Variants in SRSF10 observed in about 807,000 individuals in gnomAD.
The protein encoded by SRSF10 is serine/arginine-rich splicing factor 10.
Under a neutral mutation model 32.6 loss-of-function variants are expected in SRSF10, and 9 were observed. The ratio of observed to expected loss-of-function variants is 0.28; its 90% confidence interval spans 0.17 to 0.48. The LOEUF is 0.48. Among genes scored for constraint, SRSF10 ranks in the 20% least tolerant of loss-of-function variants. The pLI, the probability that SRSF10 is intolerant of heterozygous loss-of-function variation, is 0.99. For missense variants in SRSF10, 201 were observed against 331.8 expected, an observed-to-expected ratio of 0.61 and a Z score of 3.06; for synonymous variants, 105 against 112.4, an observed-to-expected ratio of 0.93 and a Z score of 0.42.
Position 23,969,697 on chromosome 1 carries a change from C to T in SRSF10, c.*1445G>A, listed in dbSNP as rs1376097282. On this transcript the variant is annotated 3_prime_UTR_variant, in exon 6 of 6. Transcript: ENST00000492112. Reference sequence around the variant, plus strand: ...TGTCAAGTCACTTTTGTCCCCAAAACGATCTTTCAGAGAAATACTAGAAAT... The same window carrying T: ...TGTCAAGTCACTTTTGTCCCCAAAATGATCTTTCAGAGAAATACTAGAAAT... The T allele has an allele frequency of 3.0e-6, 3 of 985,150 alleles. No individual in the cohort carries two copies. Among genetic ancestry groups the T allele is most frequent in the Admixed American group, 6.2e-5 (1 of 16,256 alleles). The allele number at this position is 985,150 out of a possible 1,614,324, so 61.0% of individuals were successfully genotyped here. A position where few individuals can be genotyped will look rare whatever the true frequency, so the allele number is the denominator to read the frequency against.
chr1:23,969,602 T>C lies in SRSF10; in HGVS notation c.*1540A>G. 3.0e-6 allele frequency: 3 copies of C among 985,266 alleles called. No individual in the cohort carries two copies. The highest frequency in any genetic ancestry group is 3.6e-6 in the Non-Finnish European group (3 of 829,746). 61.0% of individuals were successfully genotyped at this position (985,266 alleles called of 1,614,324 possible). A position where few individuals can be genotyped will look rare whatever the true frequency, so the allele number is the denominator to read the frequency against. On this transcript the variant is annotated 3_prime_UTR_variant, in exon 6 of 6. Transcript: ENST00000492112. ...GGAATCGTTTGTCCATAATTCGTAC[T>C]TGTATCTGTAAGCAAGCAATCTGAG...
In SRSF10 at chr1:23,969,480, C is replaced by T. The variant is rs1254713248; in HGVS notation, c.*1662G>A. 1 of 985,306 alleles carries T rather than the reference C, an allele frequency of 1.0e-6. No homozygotes were observed. The highest frequency in any genetic ancestry group is 1.2e-6 in the Non-Finnish European group (1 of 829,862). The allele number at this position is 985,306 out of a possible 1,614,324, so 61.0% of individuals were successfully genotyped here. ...AAGGTTCTAGAATCAATCCTTTAAACACATTCCACAAACAGTATTTAAAAT... is the reference window on the plus strand; with the variant it reads ...AAGGTTCTAGAATCAATCCTTTAAATACATTCCACAAACAGTATTTAAAAT... On this transcript the variant is annotated 3_prime_UTR_variant, in exon 6 of 6. Transcript: ENST00000492112.
chr1:23,969,539 T>C lies in SRSF10; in HGVS notation c.*1603A>G. 1 of 985,332 alleles carries C rather than the reference T, an allele frequency of 1.0e-6. No homozygotes were observed. 61.0% of individuals were successfully genotyped at this position (985,332 alleles called of 1,614,324 possible). On this transcript the variant is annotated 3_prime_UTR_variant, in exon 6 of 6. Coordinates refer to ENST00000492112, the MANE Select transcript of SRSF10 (RefSeq NM_054016.4). Reference sequence around the variant, plus strand: ...GTATTCTTTACAGGCAAAGCCTAGATTACTAAAACCGAAATTGAAAAAAGT... The same window carrying C: ...GTATTCTTTACAGGCAAAGCCTAGACTACTAAAACCGAAATTGAAAAAAGT...
chr1:23,971,496 A>G (rs1317448314), intron 5 of SRSF10, 57 bp from the exon 6 acceptor site: 2 of 1,588,320 alleles, frequency 1.3e-6, no homozygotes, highest in Non-Finnish European at 1.7e-6. Context: ...ATATTAATCA[A>G]ATTTGTTATT....
At position 23,968,717 on chromosome 1, in the gene SRSF10, C is replaced by T. The variant is rs112657811; in HGVS notation, c.*2425G>A. On this transcript the variant is annotated 3_prime_UTR_variant, in exon 6 of 6. Coordinates refer to ENST00000492112, the MANE Select transcript of SRSF10 (RefSeq NM_054016.4). ...AAATGATTTAAAATCATGTCATAAACGTTAAGCCCTAATGCGTCTTGTTTA... is the reference window on the plus strand; with the variant it reads ...AAATGATTTAAAATCATGTCATAAATGTTAAGCCCTAATGCGTCTTGTTTA... Among the ~76,000 whole-genome samples, 18 of 152,196 alleles carry T rather than the reference C, an allele frequency of 1.2e-4. No individual in the cohort carries two copies. The highest frequency in any genetic ancestry group is 4.1e-4 in the African/African-American group (17 of 41,508).
intron 2 of SRSF10, chr1:23,976,144 A>G (rs1642075394): frequency 6.6e-6 from 1 of 152,244 alleles, no homozygotes. Context: ...TTCTATCCCA[A>G]AAATCCCCAT....
At position 23,975,062 on chromosome 1, in the gene SRSF10, A is replaced by G. The variant is rs780551532; in HGVS notation, c.186T>C (p.Arg62=). The G allele has an allele frequency of 3.5e-3, 5,685 of 1,613,960 alleles. 170 individuals are homozygous for G. In the African/African-American group the frequency reaches 0.065, roughly 18 times the overall value. The change falls in exon 3 of 6, where the codon CGT becomes CGC. Residue 62 remains arginine (R), a synonymous_variant. Coordinates refer to ENST00000492112, the MANE Select transcript of SRSF10 (RefSeq NM_054016.4). The part of the protein sequence containing the change: ...GFAYVQFEDV[R]DAEDALHNLD... ...AATTATGTAAAGCGTCTTCAGCATC[A>G]CGAACATCCTCAAATGTGCTAAATG...
At chr1:23,973,212 T>G (rs1236658120) in intron 3 of SRSF10, among the ~76,000 whole-genome samples, 1 of 152,220 alleles carries the variant, frequency 6.6e-6, no homozygotes, top group Admixed American at 6.5e-5. Flanking sequence ...AAAATAATAC[T>G]AATATCCCCA....
At position 23,970,349 on chromosome 1, in the gene SRSF10, G is replaced by A. The variant is rs1641671156; in HGVS notation, c.*793C>T. 2.1e-6 allele frequency: 2 copies of A among 966,096 alleles called. No individual in the cohort carries two copies. The highest frequency in any genetic ancestry group is 9.7e-5 in the South Asian group (2 of 20,692). The allele number at this position is 966,096 out of a possible 1,614,324, so 59.8% of individuals were successfully genotyped here. On this transcript the variant is annotated 3_prime_UTR_variant, in exon 6 of 6. Transcript: ENST00000492112. ...CACTGCATCAAAAATAATTATCATT[G>A]GCCTAGACATCCGGTTTTTTTTTTT...
rs1364829218 is a variant in SRSF10, at chr1:23,964,836, C to T, written c.*6306G>A. 6.6e-6 allele frequency: 1 copy of T among 151,976 alleles called. No homozygotes were observed. The highest frequency in any genetic ancestry group is 1.5e-5 in the Non-Finnish European group (1 of 67,844). The allele number at this position is 151,976 out of a possible 1,614,324, so 9.4% of individuals were successfully genotyped here. Reference sequence around the variant, plus strand: ...TTGGCTCCTAGACCAGTTTATTTCACTTTCCAGCATTCAAAGAAATGTGAT... The same window carrying T: ...TTGGCTCCTAGACCAGTTTATTTCATTTTCCAGCATTCAAAGAAATGTGAT... On this transcript the variant is annotated 3_prime_UTR_variant, in exon 6 of 6. Coordinates refer to ENST00000492112, the MANE Select transcript of SRSF10 (RefSeq NM_054016.4).
rs1232230073 is a variant in SRSF10, at chr1:23,969,583, G to T, written c.*1559C>A. On this transcript the variant is annotated 3_prime_UTR_variant, in exon 6 of 6. Coordinates refer to ENST00000492112, the MANE Select transcript of SRSF10 (RefSeq NM_054016.4). ...AAAAAGTAATCCTCTAAAAGGAATC[G>T]TTTGTCCATAATTCGTACTTGTATC... 1 of 984,944 alleles carries T rather than the reference G, an allele frequency of 1.0e-6. No individual in the cohort carries two copies. The highest frequency in any genetic ancestry group is 1.2e-6 in the Non-Finnish European group (1 of 829,652). The allele number at this position is 984,944 out of a possible 1,614,324, so 61.0% of individuals were successfully genotyped here.
rs1355556203 is a variant in SRSF10, at chr1:23,968,019, C to T, written c.*3123G>A. 2 of 1,534,140 alleles carry T rather than the reference C, an allele frequency of 1.3e-6. No individual in the cohort carries two copies. The highest frequency in any genetic ancestry group is 1.7e-6 in the Non-Finnish European group (2 of 1,145,374). The stretch of plus-strand genomic sequence containing the variant: ...TAAAAGGAGAGGTGAAGTGTGTCAG[C>T]CCTCATTTGAGTGTTGATATAACCA... On this transcript the variant is annotated 3_prime_UTR_variant, in exon 6 of 6. Transcript: ENST00000492112.
Position 23,966,791 on chromosome 1 carries a change from T to C in SRSF10, c.*4351A>G, listed in dbSNP as rs1185711840. Reference sequence around the variant, plus strand: ...ATCATTTTTTCATTATTTATAATAATGTGATCAAATACTGGATACTTTTAA... The same window carrying C: ...ATCATTTTTTCATTATTTATAATAACGTGATCAAATACTGGATACTTTTAA... On this transcript the variant is annotated 3_prime_UTR_variant, in exon 6 of 6. Coordinates refer to ENST00000492112, the MANE Select transcript of SRSF10 (RefSeq NM_054016.4). 1 of 152,108 alleles carries C rather than the reference T, an allele frequency of 6.6e-6. No individual in the cohort carries two copies. The highest frequency in any genetic ancestry group is 2.4e-5 in the African/African-American group (1 of 41,446). The allele number at this position is 152,108 out of a possible 1,614,324, so 9.4% of individuals were successfully genotyped here.
In SRSF10 at chr1:23,970,296, C is replaced by T. The variant is rs1641667505; in HGVS notation, c.*846G>A. On this transcript the variant is annotated 3_prime_UTR_variant, in exon 6 of 6. Coordinates refer to ENST00000492112, the MANE Select transcript of SRSF10 (RefSeq NM_054016.4). The stretch of plus-strand genomic sequence containing the variant: ...TCCCAGCTGGCATCATTCCCCAAGA[C>T]AGTGGGGTTAACAAAAGAACTAATC... 1.0e-6 allele frequency: 1 copy of T among 984,428 alleles called. No homozygotes were observed. The highest frequency in any genetic ancestry group is 1.1e-4 in the East Asian group (1 of 8,790). The allele number at this position is 984,428 out of a possible 1,614,324, so 61.0% of individuals were successfully genotyped here.
In SRSF10 at chr1:23,966,806, G is replaced by C. The variant is rs1459301958; in HGVS notation, c.*4336C>G. The C allele has an allele frequency of 1.3e-5, 2 of 151,902 alleles. No individual in the cohort carries two copies. Among genetic ancestry groups the C allele is most frequent in the African/African-American group, 4.8e-5 (2 of 41,356 alleles). 9.4% of individuals were successfully genotyped at this position (151,902 alleles called of 1,614,324 possible). A position where few individuals can be genotyped will look rare whatever the true frequency, so the allele number is the denominator to read the frequency against. On this transcript the variant is annotated 3_prime_UTR_variant, in exon 6 of 6. Coordinates refer to ENST00000492112, the MANE Select transcript of SRSF10 (RefSeq NM_054016.4). Reference sequence around the variant, plus strand: ...TTTATAATAATGTGATCAAATACTGGATACTTTTAAATGGCAGATAACCAC... The same window carrying C: ...TTTATAATAATGTGATCAAATACTGCATACTTTTAAATGGCAGATAACCAC...
Position 23,971,590 on chromosome 1 carries a change from G to A in SRSF10, c.474C>T (p.Ser158=). ...RPTGRPRRSR[S]HSDNDRFKHR... is the part of the protein sequence containing the mutation. ...TTATTTACCTATCATTGTCGGAATG[G>A]CTTCTGCTACGCCGTGGTCTTCCAG... The change falls in exon 5 of 6, where the codon AGC becomes AGT. Residue 158 remains serine (S), a synonymous_variant. Coordinates refer to ENST00000492112, the MANE Select transcript of SRSF10 (RefSeq NM_054016.4). 2 of 1,610,606 alleles carry A rather than the reference G, an allele frequency of 1.2e-6. No individual in the cohort carries two copies. Among genetic ancestry groups the A allele is most frequent in the Non-Finnish European group, 1.7e-6 (2 of 1,179,728 alleles).
intron 3 of SRSF10, among the ~76,000 whole-genome samples, chr1:23,973,445 T>G: frequency 6.6e-6 from 1 of 152,194 alleles, no homozygotes; most frequent in East Asian, 1.9e-4. Flanking sequence ...TCCTCCTGCC[T>G]AGCGGGGACC....
chr1:23,972,532 A>C (rs1017102990), intron 3 of SRSF10, among the ~76,000 whole-genome samples: 1 of 151,386 alleles, frequency 6.6e-6, no homozygotes, highest in Non-Finnish European at 1.5e-5. Flanking sequence ...CCTCCACCCC[A>C]CACCAGTTGA....
At chr1:23,976,273 T>C (rs1642083370) in intron 2 of SRSF10, 1 of 152,214 alleles carries the variant, frequency 6.6e-6, no homozygotes, top group Non-Finnish European at 1.5e-5. Context: ...GATACTGGTA[T>C]TTTTTTATTA....
Sources: allele counts gnomAD v4.1 joint callset (sites outside exome capture counted in the v4.1 genomes callset), GRCh38; gene constraint gnomAD v4.1.1; transcripts MANE v1.5; gene names NCBI Gene and HGNC (gene_info 2026-07-23, HGNC 2026-07-21).